Variants in ASH1L observed in about 807,000 individuals in gnomAD.
ASH1L encodes the protein histone-lysine N-methyltransferase ASH1L.
Under a neutral mutation model 269.0 loss-of-function variants are expected in ASH1L, and 23 were observed. The ratio of observed to expected loss-of-function variants is 0.09; its 90% CI spans 0.06 to 0.12. The LOEUF (loss-of-function observed/expected upper bound fraction) is 0.12, where lower values mean the gene tolerates loss of function less well. ASH1L is among the 10% of genes least tolerant of loss of function. The pLI is 1.00. For synonymous variants in ASH1L, 1,187 were observed against 1,253.5 expected (o/e 0.95, Z 1.12); for missense variants, 2,912 against 3,567.8 (o/e 0.82, Z 4.68).
intron 5 of ASH1L, among the ~76,000 whole-genome samples, chr1:155,418,627 T>G (rs1409167657): frequency 6.6e-6 from 1 of 151,970 alleles, no homozygotes; most frequent in African/African-American, 2.4e-5. Flanking sequence ...ATGAAAAAAA[T>G]TGAGAATTAT....
At chr1:155,535,406 T>G (rs1344720830) in intron 1 of ASH1L, among the ~76,000 whole-genome samples, 1 of 152,112 alleles carries the variant, frequency 6.6e-6, no homozygotes, top group Non-Finnish European at 1.5e-5. Context: ...CAAGGAATTT[T>G]TGTTTTCCTT....
At chr1:155,367,813 A>G (rs1316050061) in intron 12 of ASH1L, among the ~76,000 whole-genome samples, 2 of 152,160 alleles carry the variant, frequency 1.3e-5, no homozygotes, top group African/African-American at 4.8e-5. Context: ...TAAACCCCAC[A>G]TAGTCATGAT....
upstream of ASH1L, chr1:155,562,881 C>T (rs1471579761): frequency 2.5e-6 from 1 of 407,732 alleles, no homozygotes; most frequent in Non-Finnish European, 4.9e-6. Context: ...CCGCCACGGC[C>T]GCCGCCGCCG....
intron 4 of ASH1L, among the ~76,000 whole-genome samples, chr1:155,450,796 C>T (rs943909637): frequency 4.6e-5 from 7 of 152,002 alleles, no homozygotes; most frequent in Non-Finnish European, 1.0e-4. Flanking sequence ...TGGTAGCAAC[C>T]CAAGTAACCA....
At chr1:155,418,217 A>C (rs1205473477) in intron 5 of ASH1L, among the ~76,000 whole-genome samples, 2 of 152,188 alleles carry the variant, frequency 1.3e-5, no homozygotes, top group African/African-American at 4.8e-5. Flanking sequence ...GAAATCACAA[A>C]GATAGAAAAG....
intron 1 of ASH1L, among the ~76,000 whole-genome samples, chr1:155,530,851 G>A (rs188593610): frequency 3.3e-5 from 5 of 152,288 alleles, no homozygotes; most frequent in African/African-American, 9.6e-5. Flanking sequence ...GGTCGAGGCT[G>A]CAGTGAGCCA....
At chr1:155,504,630 G>T (rs1209273082) in intron 2 of ASH1L, among the ~76,000 whole-genome samples, 1 of 152,148 alleles carries the variant, frequency 6.6e-6, no homozygotes, top group Non-Finnish European at 1.5e-5. Context: ...AAGGCAGTCG[G>T]ATCACCTGAG....
Position 155,341,997 on chromosome 1 carries a change from C to T in ASH1L, c.8399G>A (p.Cys2800Tyr). 1 of 1,613,964 alleles carries T rather than the reference C, an allele frequency of 6.2e-7. No individual in the cohort carries two copies. The highest frequency in any genetic ancestry group is 8.5e-7 in the Non-Finnish European group (1 of 1,180,012). ...GTGATCAAAAGCATAGGGTTTGGTG[C>T]AGACAGGATAGCGGTTCCGGTGGAT... ...YKIHRNRYPV[C>Y]TKPYAFDHFP... Residue 2800 changes from cysteine (C) to tyrosine (Y), a missense_variant, in exon 25 of 28, where the codon TGC becomes TAC. Cys to Tyr is a radical substitution (Grantham distance 194). Around this residue, in one of 13 missense-constraint regions of ASH1L, gnomAD observed 179 missense variants for 293.8 expected, o/e 0.61. Coordinates refer to ENST00000392403, the MANE Select transcript of ASH1L (RefSeq NM_018489.3).
At chr1:155,410,096 A>C (rs78217327) in intron 6 of ASH1L, among the ~76,000 whole-genome samples, 1 of 143,304 alleles carries the variant, frequency 7.0e-6, no homozygotes, top group Non-Finnish European at 1.5e-5. Flanking sequence ...ACTCCATCTC[A>C]AAAAAAAAAA....
chr1:155,481,227 C>T lies in ASH1L; in HGVS notation c.1643G>A (p.Ser548Asn). 7 of 1,614,076 alleles carry T rather than the reference C, an allele frequency of 4.3e-6. No homozygotes were observed. Among genetic ancestry groups the T allele is most frequent in the Non-Finnish European group, 5.1e-6 (6 of 1,179,992 alleles). ...AGGGAGATTGCTTTCTCCTACTGCA[C>T]TGAATGGGGATTTAGCGGTAGATAC... ...SDVSTAKSPF[S>N]AVGESNLPSP... The change falls in exon 3 of 28, where the codon AGT becomes AAT. Residue 548 changes from serine (S) to asparagine (N), a missense_variant. By Grantham distance (46) the Ser-to-Asn change is conservative (BLOSUM62 1). Around this residue, in one of 13 missense-constraint regions of ASH1L, gnomAD observed 715 missense variants for 721.0 expected, o/e 0.99. Coordinates refer to ENST00000392403, the MANE Select transcript of ASH1L (RefSeq NM_018489.3).
rs990107813 is a variant in ASH1L at position 155,445,205 on chromosome 1, C to A, written c.5087-6137G>T. On this transcript the variant is annotated intron_variant, in intron 4 of 27. Transcript: ENST00000392403. ...TTGTCAAAAATCAATTGAAAGTTAG[C>A]GGAGTTTCACTCTTGTTGCCCAGGC... Among the ~76,000 whole-genome samples the A allele has an allele frequency of 5.9e-5, 9 of 152,176 alleles. No homozygotes were observed. The East Asian group carries it at 1.7e-3, about 29-fold the overall frequency.
intron 7 of ASH1L, among the ~76,000 whole-genome samples, chr1:155,382,628 C>T (rs544552670): frequency 3.3e-5 from 5 of 152,158 alleles, no homozygotes; most frequent in Non-Finnish European, 7.4e-5. Flanking sequence ...GTTACTGCCC[C>T]TGAAGACCTT....
intron 12 of ASH1L, among the ~76,000 whole-genome samples, chr1:155,361,400 C>T (rs912329696): frequency 2.6e-5 from 4 of 151,616 alleles, no homozygotes; most frequent in Non-Finnish European, 5.9e-5. Flanking sequence ...ACCTGTAATC[C>T]CAGCTACTTA....
chr1:155,460,700 G>A (rs1664237001), intron 3 of ASH1L, among the ~76,000 whole-genome samples: 1 of 152,040 alleles, frequency 6.6e-6, no homozygotes, highest in Non-Finnish European at 1.5e-5. Context: ...TCTTCCTTTT[G>A]CAAATTCTAG....
At chr1:155,545,661 T>C (rs1245451360) in intron 1 of ASH1L, among the ~76,000 whole-genome samples, 3 of 151,742 alleles carry the variant, frequency 2.0e-5, no homozygotes, top group Admixed American at 2.0e-4. Flanking sequence ...TATACACATA[T>C]ATATTCCTAT....
intron 4 of ASH1L, among the ~76,000 whole-genome samples, chr1:155,446,912 AGTTTCT>A (rs1663085738): frequency 6.6e-6 from 1 of 152,152 alleles, no homozygotes; most frequent in Non-Finnish European, 1.5e-5. Context: ...GCTACATTTC[AGTTTCT>A]AATTGTTCAC....
Position 155,370,802 on chromosome 1 carries a change from C to T in ASH1L, c.6514G>A (p.Glu2172Lys). The change falls in exon 11 of 28, where the codon GAG becomes AAG. Residue 2172 changes from glutamate to lysine, a missense_variant. By Grantham distance (56) the Glu-to-Lys change is moderately conservative. Coordinates refer to ENST00000392403, the MANE Select transcript of ASH1L (RefSeq NM_018489.3). ...AGQFIIEYLGEVVSEQEFRNR... is the reference protein window; with the variant it reads ...AGQFIIEYLGKVVSEQEFRNR... ...CTGAACTCCTGTTCACTGACGACCT[C>T]CCCTAGGTATTCAATGATGAACTGC... The T allele has an allele frequency of 6.2e-7, 1 of 1,614,202 alleles. No individual in the cohort carries two copies. Among genetic ancestry groups the T allele is most frequent in the Admixed American group, 1.7e-5 (1 of 60,014 alleles).
chr1:155,389,541 C>T (rs771986700), intron 7 of ASH1L, among the ~76,000 whole-genome samples: 29 of 151,676 alleles, frequency 1.9e-4, no homozygotes, highest in Non-Finnish European at 3.4e-4. Context: ...GGCATGGTGG[C>T]GCATGCCTGC....
intron 15 of ASH1L, among the ~76,000 whole-genome samples, 197 bp downstream of exon 15, chr1:155,357,119 A>ACACACACAC (rs1558027201): frequency 3.7e-5 from 4 of 109,246 alleles, no homozygotes; most frequent in African/African-American, 6.8e-5. Context: ...ACACACACAC[A>ACACACACAC]AAAGGGTAAG....
Sources: allele counts gnomAD v4.1 joint callset (sites outside exome capture counted in the v4.1 genomes callset), GRCh38; gene constraint gnomAD v4.1.1; regional missense constraint gnomAD v4.1.1; transcripts MANE v1.5; gene names NCBI Gene and HGNC (gene_info 2026-07-23, HGNC 2026-07-21).